SORCS2: variants seen among roughly 807,000 people sequenced by gnomAD.
SORCS2 encodes VPS10 domain-containing receptor SorCS2.
A neutral mutation model predicts 141.6 loss-of-function variants in SORCS2; 100 were observed. The ratio of observed to expected loss-of-function variants is 0.71; its 90% confidence interval spans 0.60 to 0.83. The LOEUF (loss-of-function observed/expected upper bound fraction) is 0.83. SORCS2 is among the 40% of genes least tolerant of loss of function. The probability of loss-of-function intolerance (pLI) is 0.00; values close to 1 mark genes in which losing one functional copy is unlikely to be tolerated. For synonymous variants in SORCS2, 789 were observed against 676.9 expected (o/e 1.17, Z -2.57); for missense variants, 1,646 against 1,560.2 (o/e 1.05, Z -0.93).
intron 8 of SORCS2, among the ~76,000 whole-genome samples, chr4:7,669,684 G>A (rs532383903): frequency 6.6e-6 from 1 of 151,782 alleles, no homozygotes; most frequent in South Asian, 2.1e-4. Flanking sequence ...GAAAATCATA[G>A]ACATTGGAGC....
At chr4:7,395,555 C>T (rs1312151659) in intron 1 of SORCS2, among the ~76,000 whole-genome samples, 4 of 152,310 alleles carry the variant, frequency 2.6e-5, no homozygotes, top group African/African-American at 9.6e-5. Context: ...TTTGTTTACA[C>T]AGTTATTTCA....
intron 1 of SORCS2, among the ~76,000 whole-genome samples, chr4:7,361,408 C>T (rs887606753): frequency 1.3e-5 from 2 of 152,214 alleles, no homozygotes; most frequent in Non-Finnish European, 2.9e-5. Flanking sequence ...TGAACGCCTA[C>T]AGCTGTTGCC....
intron 10 of SORCS2, among the ~76,000 whole-genome samples, chr4:7,684,544 A>G (rs1723754040): frequency 6.6e-6 from 1 of 152,114 alleles, no homozygotes; most frequent in South Asian, 2.1e-4. Flanking sequence ...TCTGTTTCCC[A>G]CTGTCACCCA....
At chr4:7,647,769 T>A (rs1173209467) in intron 4 of SORCS2, among the ~76,000 whole-genome samples, 1 of 152,222 alleles carries the variant, frequency 6.6e-6, no homozygotes, top group Admixed American at 6.5e-5. Flanking sequence ...TTGGGCAACA[T>A]CCTGGCCAGT....
At chr4:7,325,741 C>T (rs1453299605) in intron 1 of SORCS2, among the ~76,000 whole-genome samples, 6 of 152,212 alleles carry the variant, frequency 3.9e-5, no homozygotes, top group Non-Finnish European at 5.9e-5. Flanking sequence ...TGAAATTTCC[C>T]TGCAGCCTGA....
chr4:7,712,939 A>G lies in SORCS2; in HGVS notation c.1989+86A>G, dbSNP rs919875275. The G allele has an allele frequency of 2.0e-5, 31 of 1,546,874 alleles. No homozygotes were observed. In the African/African-American group the frequency reaches 3.8e-4, roughly 19 times the overall value. Reference sequence around the variant, plus strand: ...TCTGCCTGCCAAAGTCCTCCCCTGCAAGGCCGCAGGGCACCTCCCCGCCTC... The same window carrying G: ...TCTGCCTGCCAAAGTCCTCCCCTGCGAGGCCGCAGGGCACCTCCCCGCCTC... On this transcript the variant is annotated intron_variant, in intron 15 of 26. Coordinates refer to ENST00000507866, the MANE Select transcript of SORCS2 (RefSeq NM_020777.3).
intron 3 of SORCS2, among the ~76,000 whole-genome samples, chr4:7,597,256 G>T (rs1247608280): frequency 2.7e-5 from 4 of 150,590 alleles, no homozygotes; most frequent in African/African-American, 9.8e-5. Context: ...CTACGCAATA[G>T]GGGGAGGGAC....
chr4:7,292,894 A>G (rs1317888038), intron 1 of SORCS2, among the ~76,000 whole-genome samples: 1 of 152,242 alleles, frequency 6.6e-6, no homozygotes, highest in Non-Finnish European at 1.5e-5. Flanking sequence ...GCCCATGCTT[A>G]TTAGAAAATA....
intron 2 of SORCS2, among the ~76,000 whole-genome samples, chr4:7,398,132 A>G (rs1296885432): frequency 6.6e-6 from 1 of 151,270 alleles, no homozygotes; most frequent in African/African-American, 2.4e-5. Flanking sequence ...TTGCCGGCTT[A>G]GTTTACGTTT....
intron 4 of SORCS2, among the ~76,000 whole-genome samples, chr4:7,651,236 C>T (rs62290671): frequency 0.017 from 2,621 of 152,232 alleles, 30 homozygotes; most frequent in Middle Eastern, 0.027. Flanking sequence ...GGATAGGCTG[C>T]GTGTCAGACA....
intron 3 of SORCS2, among the ~76,000 whole-genome samples, chr4:7,616,904 C>T (rs1718798123): frequency 6.6e-6 from 1 of 152,210 alleles, no homozygotes; most frequent in Non-Finnish European, 1.5e-5. Context: ...CTCCAGGCTC[C>T]CTGGGGCTGC....
At chr4:7,433,286 G>A (rs11721763) in intron 2 of SORCS2, 204,195 of 1,353,944 alleles carry the variant, frequency 0.15, 16,340 homozygotes, top group Non-Finnish European at 0.16. Flanking sequence ...GGCCTCGCTA[G>A]CAGGCTCTGG....
intron 2 of SORCS2, among the ~76,000 whole-genome samples, chr4:7,409,476 G>T (rs1399101720): frequency 6.6e-6 from 1 of 152,184 alleles, no homozygotes; most frequent in Non-Finnish European, 1.5e-5. Context: ...AGTTTTCACG[G>T]CTGGGCTTGG....
At chr4:7,712,128 C>G (rs563842237) in intron 14 of SORCS2, among the ~76,000 whole-genome samples, 18 of 152,346 alleles carry the variant, frequency 1.2e-4, no homozygotes, top group Non-Finnish European at 2.4e-4. Flanking sequence ...CCTCTTCCCC[C>G]ACCCACCTAG....
At chr4:7,308,055 A>G (rs113858795) in intron 1 of SORCS2, among the ~76,000 whole-genome samples, 2,542 of 152,068 alleles carry the variant, frequency 0.017, 37 homozygotes, top group Middle Eastern at 0.068. Context: ...TTGGCTCCCT[A>G]TGGACCCTCT....
chr4:7,314,344 TTTTTTTA>T lies in SORCS2; in HGVS notation c.481-81937_481-81931del, dbSNP rs1229246440. On this transcript the variant is annotated intron_variant, in intron 1 of 26. Coordinates refer to ENST00000507866, the MANE Select transcript of SORCS2 (RefSeq NM_020777.3). ...TGGCCTTTTTTTTATTTTTTTTATT[TTTTTTTA>T]TTTTTTGAGACGGAGTCTTGCTCAG... is the stretch of plus-strand genomic sequence containing the variant. Among the ~76,000 whole-genome samples the T allele has an allele frequency of 1.6e-3, 178 of 113,492 alleles. 2 individuals carry two copies. Among genetic ancestry groups the T allele is most frequent in the Middle Eastern group, 9.1e-3 (2 of 220 alleles). The allele number at this position is 113,492 out of a possible 152,430, so 74.5% of individuals were successfully genotyped here.
chr4:7,363,385 TTG>T lies in SORCS2; in HGVS notation c.481-32902_481-32901del, dbSNP rs775369741. On this transcript the variant is annotated intron_variant, in intron 1 of 26. Coordinates refer to ENST00000507866, the MANE Select transcript of SORCS2 (RefSeq NM_020777.3). The stretch of plus-strand genomic sequence containing the variant: ...ACTATCACCACTATCACCACCGTCA[TTG>T]CTACCAACACCATCACTGTCACCAT... Among the ~76,000 whole-genome samples the T allele has an allele frequency of 8.0e-4, 121 of 152,160 alleles. 1 individual carries two copies. In the East Asian group the frequency reaches 0.017, roughly 21 times the overall value.
At chr4:7,523,711 T>G (rs1733486133) in intron 2 of SORCS2, among the ~76,000 whole-genome samples, 1 of 152,136 alleles carries the variant, frequency 6.6e-6, no homozygotes, top group Non-Finnish European at 1.5e-5. Context: ...CAGGCCGCTG[T>G]TATGTGATTG....
chr4:7,668,024 C>T (rs2108932448), intron 8 of SORCS2, among the ~76,000 whole-genome samples: 1 of 152,294 alleles, frequency 6.6e-6, no homozygotes, highest in East Asian at 1.9e-4. Flanking sequence ...GTCCCACATG[C>T]ATAGTTGAGA....
Sources: gnomAD v4.1 joint callset for allele counts (sites outside exome capture counted in the v4.1 genomes callset) on GRCh38, gnomAD v4.1.1 for gene constraint, MANE v1.5 for transcripts, NCBI Gene and HGNC (gene_info 2026-07-23, HGNC 2026-07-21) for gene names.